The following CLRN3 variants were observed in gnomAD, a reference collection of about 807,000 sequenced individuals.
CLRN3 encodes clarin 3, also known as clarin-3.
CLRN3 carries 12 observed loss-of-function variants against 16.7 expected under a neutral mutation model. The observed-to-expected ratio is 0.72, with a 90% CI of 0.46 to 1.16. The LOEUF is 1.16. Ranked by LOEUF, CLRN3 falls within the 50% of genes most tolerant of loss-of-function variation. The pLI is 0.00. For missense variants in CLRN3, 296 were observed against 274.2 expected (o/e 1.08, Z -0.56); for synonymous variants, 118 against 113.0 (o/e 1.04, Z -0.28).
chr10:127,890,587 A>C (rs1845246956), intron 1 of CLRN3, among the ~76,000 whole-genome samples: 1 of 152,160 alleles, frequency 6.6e-6, no homozygotes, highest in Admixed American at 6.5e-5. Flanking sequence ...GATATGGTTA[A>C]ATTCTCAATT....
chr10:127,882,893 C>A (rs1480068106), intron 2 of CLRN3, among the ~76,000 whole-genome samples: 1 of 152,194 alleles, frequency 6.6e-6, no homozygotes, highest in Non-Finnish European at 1.5e-5. Context: ...CTGGTGGGAG[C>A]AAAAGGCCCT....
At chr10:127,883,183 G>A (rs988300569) in intron 2 of CLRN3, among the ~76,000 whole-genome samples, 1 of 152,336 alleles carries the variant, frequency 6.6e-6, no homozygotes, top group Middle Eastern at 3.4e-3. Context: ...TCTGTGGCAC[G>A]ACCATGCAGA....
intron 2 of CLRN3, among the ~76,000 whole-genome samples, chr10:127,882,770 G>A (rs1250229379): frequency 2.0e-5 from 3 of 152,148 alleles, no homozygotes; most frequent in African/African-American, 4.8e-5. Flanking sequence ...GTTAAAATGC[G>A]TCACCTGGAG....
intron 2 of CLRN3, among the ~76,000 whole-genome samples, chr10:127,879,823 T>C (rs1388395531): frequency 6.6e-6 from 1 of 152,178 alleles, no homozygotes; most frequent in East Asian, 1.9e-4. Flanking sequence ...TAAGGATGCC[T>C]ATGTTCCAGG....
At chr10:127,883,516 A>G (rs1389401860) in intron 2 of CLRN3, among the ~76,000 whole-genome samples, 180 bp downstream of exon 2, 1 of 152,138 alleles carries the variant, frequency 6.6e-6, no homozygotes, top group African/African-American at 2.4e-5. Flanking sequence ...ATTTCCAGAG[A>G]TGCTTCATAA....
At chr10:127,886,319 T>C (rs943525479) in intron 1 of CLRN3, among the ~76,000 whole-genome samples, 1 of 152,220 alleles carries the variant, frequency 6.6e-6, no homozygotes, top group Non-Finnish European at 1.5e-5. Flanking sequence ...CAATGTTCTA[T>C]GAGGAAGAAA....
At chr10:127,883,428 A>G (rs564114658) in intron 2 of CLRN3, among the ~76,000 whole-genome samples, 1 of 152,092 alleles carries the variant, frequency 6.6e-6, no homozygotes, top group East Asian at 1.9e-4. Context: ...GTGCATTTTG[A>G]CTTCTTATGT....
At chr10:127,880,958 GA>G (rs1253276307) in intron 2 of CLRN3, among the ~76,000 whole-genome samples, 1 of 152,126 alleles carries the variant, frequency 6.6e-6, no homozygotes, top group Non-Finnish European at 1.5e-5. Flanking sequence ...CCTGGAAACT[GA>G]GAGTTTCAGT....
At chr10:127,890,351 C>T (rs1192506455) in intron 1 of CLRN3, among the ~76,000 whole-genome samples, 1 of 152,158 alleles carries the variant, frequency 6.6e-6, no homozygotes, top group African/African-American at 2.4e-5. Flanking sequence ...TGGAGGATTT[C>T]CTTACCAGGT....
intron 1 of CLRN3, among the ~76,000 whole-genome samples, chr10:127,885,479 C>G (rs1454210712): frequency 6.6e-6 from 1 of 152,186 alleles, no homozygotes; most frequent in Non-Finnish European, 1.5e-5. Flanking sequence ...GATTAACAGC[C>G]CACATTTCTG....
In CLRN3 at chr10:127,883,692, T is replaced by C; in HGVS notation, c.409+4A>G. 1.9e-6 allele frequency: 3 copies of C among 1,607,480 alleles called. No homozygotes were observed. The highest frequency in any genetic ancestry group is 1.7e-6 in the Non-Finnish European group (2 of 1,174,170). On this transcript the variant is annotated splice_donor_region_variant and intron_variant, in intron 2 of 2. Transcript: ENST00000368671. ...AGAGCACCGAGTCTCACAGGGCCAC[T>C]CACCACCGAGCCCGTTCCAGGTGTA...
intron 1 of CLRN3, among the ~76,000 whole-genome samples, chr10:127,891,765 A>G (rs1421897020): frequency 6.6e-6 from 1 of 152,250 alleles, no homozygotes; most frequent in African/African-American, 2.4e-5. Context: ...ATAAGTCAAA[A>G]GGTAATGACT....
chr10:127,889,572 C>T (rs532111612), intron 1 of CLRN3, among the ~76,000 whole-genome samples: 1 of 150,560 alleles, frequency 6.6e-6, no homozygotes, highest in Non-Finnish European at 1.5e-5. Context: ...TGCAGTGAGC[C>T]GAGATGGCGC....
Position 127,878,312 on chromosome 10 carries a change from G to A in CLRN3, c.518C>T (p.Thr173Met), listed in dbSNP as rs201937344. ...GAACGAGTATCCGTAACTGTGGGTCGTTCCTTTACTGGTGGTTGCCGGGTA... is the reference window on the plus strand; with the variant it reads ...GAACGAGTATCCGTAACTGTGGGTCATTCCTTTACTGGTGGTTGCCGGGTA... ...MLYPATTSKG[T>M]THSYGYSFWL... is the part of the protein sequence containing the mutation. Residue 173 changes from threonine (T) to methionine (M), a missense_variant, in exon 3 of 3, where the codon ACG (threonine) becomes ATG (methionine). Coordinates refer to ENST00000368671, the MANE Select transcript of CLRN3 (RefSeq NM_152311.5). 302 of 1,614,210 alleles carry A rather than the reference G, an allele frequency of 1.9e-4. 1 individual carries two copies. The highest frequency in any genetic ancestry group is 1.8e-3 in the Middle Eastern group (11 of 6,062).
At position 127,880,740 on chromosome 10, in the gene CLRN3, C is replaced by G. The variant is rs147031948; in HGVS notation, c.410-2320G>C. Among the ~76,000 whole-genome samples, 748 of 152,208 alleles carry G rather than the reference C, an allele frequency of 4.9e-3. 6 individuals are homozygous for G. Among genetic ancestry groups the G allele is most frequent in the African/African-American group, 0.016 (681 of 41,510 alleles). On this transcript the variant is annotated intron_variant, in intron 2 of 2. Coordinates refer to ENST00000368671, the MANE Select transcript of CLRN3 (RefSeq NM_152311.5). Reference sequence around the variant, plus strand: ...CAAAGCAGAACCTGCTTCTTTCTGTCAGAAACAAGCCAGGAAACCCACTTC... The same window carrying G: ...CAAAGCAGAACCTGCTTCTTTCTGTGAGAAACAAGCCAGGAAACCCACTTC...
intron 2 of CLRN3, among the ~76,000 whole-genome samples, chr10:127,880,220 A>T (rs1845111538): frequency 1.3e-5 from 2 of 152,286 alleles, no homozygotes; most frequent in South Asian, 4.1e-4. Flanking sequence ...AAGCTTAATC[A>T]TAAAGGGGCA....
At chr10:127,883,539 GA>G (rs1172827366) in intron 2 of CLRN3, among the ~76,000 whole-genome samples, 156 bp downstream of exon 2, 2 of 152,172 alleles carry the variant, frequency 1.3e-5, no homozygotes, top group Non-Finnish European at 2.9e-5. Flanking sequence ...ACTTTGGATT[GA>G]CAAAATAAAC....
chr10:127,879,364 G>C (rs1301895227), intron 2 of CLRN3, among the ~76,000 whole-genome samples: 1 of 152,176 alleles, frequency 6.6e-6, no homozygotes, highest in Non-Finnish European at 1.5e-5. Context: ...GCCTCCAAAA[G>C]TGCCGAGTGT....
At chr10:127,884,719 G>T (rs557060714) in intron 1 of CLRN3, among the ~76,000 whole-genome samples, 69 of 152,210 alleles carry the variant, frequency 4.5e-4, no homozygotes, top group Non-Finnish European at 9.8e-4. Flanking sequence ...TCCTGGTTTT[G>T]CCTTTCTCAG....
Sources: allele counts gnomAD v4.1 joint callset (sites outside exome capture counted in the v4.1 genomes callset), GRCh38; gene constraint gnomAD v4.1.1; transcripts MANE v1.5; gene names NCBI Gene and HGNC (gene_info 2026-07-23, HGNC 2026-07-21).